COL2A1: variants seen among roughly 807,000 people sequenced by gnomAD.
COL2A1 encodes collagen type II alpha 1 chain.
Under a neutral mutation model 204.5 loss-of-function variants are expected in COL2A1, and 28 were observed. The ratio of observed to expected loss-of-function variants is 0.14; its 90% CI spans 0.10 to 0.19. COL2A1 has a LOEUF of 0.19. COL2A1 is among the 10% of genes least tolerant of loss of function. The pLI is 1.00. For missense variants in COL2A1, 1,388 were observed against 2,027.5 expected (o/e 0.68, Z 6.06); for synonymous variants, 708 against 718.7 (o/e 0.99, Z 0.24).
In COL2A1 at chr12:47,973,257, G is replaced by A; in HGVS notation, c.*150C>T. ...CCAGTTCAGGTCTCTTAGAAAGAGAGGGGAGAAAAGTCCGAACTGTGAGAG... is the reference window on the plus strand; with the variant it reads ...CCAGTTCAGGTCTCTTAGAAAGAGAAGGGAGAAAAGTCCGAACTGTGAGAG... On this transcript the variant is annotated 3_prime_UTR_variant, in exon 54 of 54. Transcript: ENST00000380518. 2.1e-6 allele frequency: 2 copies of A among 961,120 alleles called. No homozygotes were observed. Among genetic ancestry groups the A allele is most frequent in the Admixed American group, 1.8e-5 (1 of 56,702 alleles). 59.5% of individuals were successfully genotyped at this position (961,120 alleles called of 1,614,324 possible). A position where few individuals can be genotyped will look rare whatever the true frequency, so the allele number is the denominator to read the frequency against.
rs745752830 is a variant in COL2A1, at chr12:47,983,113, G to A, written c.2074C>T (p.Pro692Ser). ...CTCACCCTGGGACCCACGAGGCCAG[G>A]GGCTCCAGCTTCACCGGGAACACCC... The part of the protein sequence containing the change: ...DQGVPGEAGA[P>S]GLVGPRGERG... The change falls in exon 32 of 54, where the codon CCT (proline) becomes TCT (serine). Residue 692 changes from proline to serine, a missense_variant. This residue lies in a region of COL2A1 where 884 missense variants were observed against 1,415.8 expected (regional missense o/e 0.62). Transcript: ENST00000380518. The A allele has an allele frequency of 6.2e-7, 1 of 1,613,910 alleles. No homozygotes were observed. The highest frequency in any genetic ancestry group is 8.5e-7 in the Non-Finnish European group (1 of 1,179,916).
chr12:47,983,798 AG>A, intron 29 of COL2A1, 62 bp from the exon 30 acceptor site: 1 of 1,525,624 alleles, frequency 6.6e-7, no homozygotes, highest in Non-Finnish European at 8.9e-7. Context: ...AGCCACAGCT[AG>A]TAGGGCCCAG....
chr12:47,978,554 C>A lies in COL2A1; in HGVS notation c.2895+43G>T. ...TGTGAGCTCAGAAGCCACTCACGAC[C>A]CTGCTCCCAGGGACCTTGGCATGGG... On this transcript the variant is annotated intron_variant, in intron 42 of 53. Coordinates refer to ENST00000380518, the MANE Select transcript of COL2A1 (RefSeq NM_001844.5). The surrounding 1 kb of genome is among the most constrained non-coding windows in gnomAD (Gnocchi z 5.5). The A allele has an allele frequency of 6.2e-7, 1 of 1,612,574 alleles. No homozygotes were observed. The highest frequency in any genetic ancestry group is 8.5e-7 in the Non-Finnish European group (1 of 1,179,430).
intron 37 of COL2A1, 129 bp downstream of exon 37, chr12:47,981,214 G>T: frequency 9.5e-7 from 1 of 1,052,044 alleles, no homozygotes; most frequent in Non-Finnish European, 1.4e-6. Flanking sequence ...AGACCCAGCG[G>T]GTAGGGAGGG....
intron 34 of COL2A1, 98 bp from the exon 35 acceptor site, chr12:47,982,258 C>A (rs750907200): frequency 1.2e-4 from 133 of 1,123,812 alleles, no homozygotes; most frequent in Middle Eastern, 2.1e-4. Flanking sequence ...AAAGCCCAGT[C>A]CCTGCCCAAG....
intron 24 of COL2A1, 42 bp downstream of exon 24, chr12:47,985,870 A>C: frequency 6.3e-7 from 1 of 1,575,004 alleles, no homozygotes. Context: ...ATGTGACCTC[A>C]GCGATGCAGG....
intron 2 of COL2A1, among the ~76,000 whole-genome samples, chr12:47,999,363 T>C (rs988890970): frequency 1.3e-5 from 2 of 152,194 alleles, no homozygotes; most frequent in African/African-American, 4.8e-5. Context: ...CCTATTATTT[T>C]GCTTCTGAAT....
chr12:47,977,387 G>T lies in COL2A1; in HGVS notation c.3206C>A (p.Ala1069Asp), dbSNP rs746255869. Reference sequence around the variant, plus strand: ...GCCAGGGGAGCCAGGGGGCCCAGGGGCTCCAGGAGCTCCCACAGCACCAGT... The same window carrying T: ...GCCAGGGGAGCCAGGGGGCCCAGGGTCTCCAGGAGCTCCCACAGCACCAGT... ...GETGAVGAPG[A>D]PGPPGSPGPA... The change falls in exon 46 of 54, where the codon GCC (alanine) becomes GAC (aspartate). Residue 1069 changes from alanine to aspartate, a missense_variant. Physicochemically the swap from Ala to Asp is moderately radical, Grantham distance 126 (BLOSUM62 -2). Transcript: ENST00000380518. The T allele has an allele frequency of 9.9e-6, 16 of 1,613,308 alleles. No homozygotes were observed. The highest frequency in any genetic ancestry group is 3.3e-4 in the Middle Eastern group (2 of 6,082).
chr12:47,999,867 A>G, intron 2 of COL2A1, 52 bp downstream of exon 2: 1 of 1,499,716 alleles, frequency 6.7e-7, no homozygotes, highest in East Asian at 2.3e-5. Context: ...GCGTGTTTGC[A>G]GTGCTTGCAA....
chr12:48,004,084 T>C, intron 1 of COL2A1, 153 bp downstream of exon 1: 3 of 657,740 alleles, frequency 4.6e-6, no homozygotes, highest in South Asian at 1.7e-5. Flanking sequence ...CTTGGTGAAC[T>C]TCTGCGTGTC....
At chr12:47,977,883 C>T in intron 44 of COL2A1, 127 bp downstream of exon 44, 1 of 994,030 alleles carries the variant, frequency 1.0e-6, no homozygotes, top group Non-Finnish European at 1.5e-6. Flanking sequence ...GCTTTCAGGC[C>T]TGTCGGCCGA....
chr12:47,999,030 G>A (rs1940101940), intron 2 of COL2A1, among the ~76,000 whole-genome samples: 1 of 152,130 alleles, frequency 6.6e-6, no homozygotes, highest in Admixed American at 6.5e-5. Flanking sequence ...CCTCAGAAAG[G>A]ATCTGGGAAT....
chr12:47,996,432 A>T (rs1441376699), intron 8 of COL2A1, 116 bp downstream of exon 8: 8 of 912,018 alleles, frequency 8.8e-6, no homozygotes, highest in Admixed American at 8.5e-5. Flanking sequence ...TTACATAACT[A>T]CGGAGGAGAG....
Position 47,973,438 on chromosome 12 carries a change from C to T in COL2A1, c.4433G>A (p.Gly1478Asp). Reference protein sequence around the residue: ...MDIGGPEQEFGVDIGPVCFL With the variant: ...MDIGGPEQEFDVDIGPVCFL ...GAAGCAGACCGGCCCTATGTCCACACCGAATTCCTGCTCGGGCCCTCCTAT... is the reference window on the plus strand; with the variant it reads ...GAAGCAGACCGGCCCTATGTCCACATCGAATTCCTGCTCGGGCCCTCCTAT... Residue 1478 changes from glycine to aspartate, a missense_variant, in exon 54 of 54, where the codon GGT (glycine) becomes GAT (aspartate). Around this residue, in one of 3 missense-constraint regions of COL2A1, gnomAD observed 303 missense variants for 369.2 expected, o/e 0.82. Transcript: ENST00000380518. 6.2e-7 allele frequency: 1 copy of T among 1,614,150 alleles called. No individual in the cohort carries two copies. Among genetic ancestry groups the T allele is most frequent in the Non-Finnish European group, 8.5e-7 (1 of 1,180,040 alleles).
Position 47,999,987 on chromosome 12 carries a change from C to G in COL2A1, c.224G>C (p.Cys75Ser). The change falls in exon 2 of 54, where the codon TGC becomes TCC. Residue 75 changes from cysteine to serine, a missense_variant. By Grantham distance (112) the Cys-to-Ser change is moderately radical (BLOSUM62 -1). This residue lies in a region of COL2A1 where 201 missense variants were observed against 242.4 expected (regional missense o/e 0.83). Transcript: ENST00000380518. ...TCCGAAGGGGATCTCAGGGCTGAGGCAGTCTTTCACGTCTTCACAGATTAT... is the reference window on the plus strand; with the variant it reads ...TCCGAAGGGGATCTCAGGGCTGAGGGAGTCTTTCACGTCTTCACAGATTAT... ...DDIICEDVKD[C>S]LSPEIPFGEC... The G allele has an allele frequency of 6.2e-7, 1 of 1,614,216 alleles. No individual in the cohort carries two copies. Among genetic ancestry groups the G allele is most frequent in the Non-Finnish European group, 8.5e-7 (1 of 1,180,030 alleles).
upstream of COL2A1, chr12:48,004,649 C>G (rs946136169): frequency 1.7e-5 from 4 of 229,028 alleles, no homozygotes; most frequent in Admixed American, 1.2e-4. Context: ...CCGGACCCCC[C>G]TCTCTGGGAG....
In COL2A1 at chr12:48,000,183, C is replaced by T. The variant is rs567684702; in HGVS notation, c.86-58G>A. Reference sequence around the variant, plus strand: ...GCCAAGGGAAGGAGGGGGTGGGGAGCCAGAGAGAAAAAGAGAGAGGTTGCA... The same window carrying T: ...GCCAAGGGAAGGAGGGGGTGGGGAGTCAGAGAGAAAAAGAGAGAGGTTGCA... On this transcript the variant is annotated intron_variant, in intron 1 of 53. Transcript: ENST00000380518. The T allele has an allele frequency of 5.6e-6, 7 of 1,259,456 alleles. No homozygotes were observed. The East Asian group carries it at 1.5e-4, about 26-fold the overall frequency. The allele number at this position is 1,259,456 out of a possible 1,614,324, so 78.0% of individuals were successfully genotyped here.
At chr12:47,975,030 A>G (rs1215966152) in intron 51 of COL2A1, among the ~76,000 whole-genome samples, 168 bp from the exon 52 acceptor site, 2 of 152,108 alleles carry the variant, frequency 1.3e-5, no homozygotes, top group Non-Finnish European at 2.9e-5. Flanking sequence ...GGGCAGGGAG[A>G]TCTGCATGAG....
At position 47,983,155 on chromosome 12, in the gene COL2A1, A is replaced by C; in HGVS notation, c.2050-18T>G. ...GGAACACCCTGGAGAACAAAGAAAG[A>C]TGTGTGAGAGTGAAGGCTTCATATC... is the stretch of plus-strand genomic sequence containing the variant. On this transcript the variant is annotated intron_variant, in intron 31 of 53. Transcript: ENST00000380518. 6.2e-7 allele frequency: 1 copy of C among 1,612,678 alleles called. No individual in the cohort carries two copies. Among genetic ancestry groups the C allele is most frequent in the Non-Finnish European group, 8.5e-7 (1 of 1,179,376 alleles).
Sources: allele counts gnomAD v4.1 joint callset (sites outside exome capture counted in the v4.1 genomes callset), GRCh38; gene constraint gnomAD v4.1.1; regional missense constraint gnomAD v4.1.1; non-coding constraint Gnocchi (gnomAD v3.1); transcripts MANE v1.5; gene names NCBI Gene and HGNC (gene_info 2026-07-23, HGNC 2026-07-21).